WDR7: variants seen among roughly 807,000 people sequenced by gnomAD.
WDR7 encodes WD repeat-containing protein 7.
WDR7 carries 46 observed loss-of-function variants against 169.4 expected under a neutral mutation model. The ratio of observed to expected loss-of-function variants is 0.27; its 90% confidence interval spans 0.21 to 0.35. The LOEUF (loss-of-function observed/expected upper bound fraction) is 0.35, where lower values mean the gene tolerates loss of function less well. Ranked by LOEUF, WDR7 falls within the 10% of genes least tolerant of loss-of-function variation. WDR7 has a pLI of 1.00. For synonymous variants in WDR7, 612 were observed against 666.8 expected (o/e 0.92, Z 1.27); for missense variants, 1,534 against 1,859.3 (o/e 0.83, Z 3.22).
downstream of WDR7, chr18:57,031,646 T>C (rs1053115554): frequency 4.6e-5 from 7 of 152,252 alleles, no homozygotes; most frequent in Non-Finnish European, 1.0e-4. Flanking sequence ...CGTTCTATTC[T>C]GAGGTGATAG....
chr18:56,822,167 G>A (rs772667634), intron 20 of WDR7, among the ~76,000 whole-genome samples: 4 of 152,030 alleles, frequency 2.6e-5, no homozygotes, highest in African/African-American at 4.8e-5. Context: ...AAAAATCACC[G>A]CATATTCGTT....
rs1167617851 is a variant in WDR7, at chr18:56,776,838, C to A, written c.2905C>A (p.Pro969Thr). ...SDADHSGSDP[P>T]SAPALHTCFL... is the part of the protein sequence containing the mutation. ...TGCTGATCACTCTGGCTCTGACCCTCCTTCTGCTCCTGCTTTACATACCTG... is the reference window on the plus strand; with the variant it reads ...TGCTGATCACTCTGGCTCTGACCCTACTTCTGCTCCTGCTTTACATACCTG... The change falls in exon 17 of 28, where the codon CCT becomes ACT. Residue 969 changes from proline (P) to threonine (T), a missense_variant. By Grantham distance (38) the Pro-to-Thr change is conservative. Transcript: ENST00000254442. 2 of 1,613,916 alleles carry A rather than the reference C, an allele frequency of 1.2e-6. No homozygotes were observed. Among genetic ancestry groups the A allele is most frequent in the African/African-American group, 1.3e-5 (1 of 74,926 alleles).
intron 20 of WDR7, among the ~76,000 whole-genome samples, chr18:56,864,702 A>T (rs938625829): frequency 1.3e-5 from 2 of 151,886 alleles, no homozygotes; most frequent in African/African-American, 2.4e-5. Flanking sequence ...AGGGTCCATT[A>T]TAGTAGATAT....
intron 19 of WDR7, among the ~76,000 whole-genome samples, chr18:56,814,666 C>A (rs569000311): frequency 6.6e-6 from 1 of 152,090 alleles, no homozygotes; most frequent in South Asian, 2.1e-4. Context: ...ATGGTAAGGA[C>A]TGAAAAACTA....
At chr18:56,705,592 A>C (rs1427571616) in intron 12 of WDR7, among the ~76,000 whole-genome samples, 1 of 152,242 alleles carries the variant, frequency 6.6e-6, no homozygotes, top group Non-Finnish European at 1.5e-5. Context: ...TGTCTGGAAC[A>C]ATTGATGTTT....
rs147648504 is a variant in WDR7, at chr18:56,830,483, T to C, written c.3304+14339T>C. ...ATTAGGGAAGAGGACTTCTAAAAAA[T>C]AGGAAAAGATCTGTTAAGAAAATTC... On this transcript the variant is annotated intron_variant, in intron 20 of 27. Coordinates refer to ENST00000254442, the MANE Select transcript of WDR7 (RefSeq NM_015285.3). 1.1e-3 allele frequency among the ~76,000 whole-genome samples: 174 copies of C among 152,314 alleles called. 1 individual carries two copies. The highest frequency in any genetic ancestry group is 4.0e-3 in the African/African-American group (168 of 41,556).
chr18:56,943,533 T>C (rs2047060926), intron 25 of WDR7, among the ~76,000 whole-genome samples: 1 of 152,204 alleles, frequency 6.6e-6, no homozygotes, highest in Non-Finnish European at 1.5e-5. Flanking sequence ...AAAGTGCTTA[T>C]GATTTGGGTA....
chr18:56,977,926 CAG>C (rs1428468387), intron 26 of WDR7, among the ~76,000 whole-genome samples: 1 of 152,094 alleles, frequency 6.6e-6, no homozygotes, highest in Non-Finnish European at 1.5e-5. Flanking sequence ...AATGCGTTGT[CAG>C]AGATGAATTA....
intron 1 of WDR7, among the ~76,000 whole-genome samples, chr18:56,668,538 T>A (rs192709853): frequency 9.2e-5 from 14 of 152,344 alleles, no homozygotes; most frequent in Non-Finnish European, 8.8e-5. Context: ...ATTTTATTTA[T>A]TATTGTAATA....
At chr18:56,763,653 G>A (rs2044016946) in intron 16 of WDR7, among the ~76,000 whole-genome samples, 1 of 152,166 alleles carries the variant, frequency 6.6e-6, no homozygotes, top group African/African-American at 2.4e-5. Context: ...TTCTGGACGG[G>A]TGAGTGTAGG....
intron 6 of WDR7, among the ~76,000 whole-genome samples, 174 bp downstream of exon 6, chr18:56,686,206 T>C (rs1209796532): frequency 6.6e-6 from 1 of 152,108 alleles, no homozygotes; most frequent in East Asian, 1.9e-4. Flanking sequence ...TGGGAGTGAA[T>C]TTTTTATTTA....
At chr18:56,711,290 TAAG>T (rs1412929510) in intron 12 of WDR7, among the ~76,000 whole-genome samples, 1 of 152,122 alleles carries the variant, frequency 6.6e-6, no homozygotes, top group African/African-American at 2.4e-5. Context: ...TAAGACTTGA[TAAG>T]AAACAATGGC....
At chr18:56,851,247 T>C (rs2045636887) in intron 20 of WDR7, among the ~76,000 whole-genome samples, 1 of 152,048 alleles carries the variant, frequency 6.6e-6, no homozygotes, top group Non-Finnish European at 1.5e-5. Flanking sequence ...ACTTTCTCTG[T>C]GGTTAGTTCT....
At chr18:57,012,739 C>T (rs916141124) in intron 26 of WDR7, among the ~76,000 whole-genome samples, 11 of 152,262 alleles carry the variant, frequency 7.2e-5, no homozygotes, top group Non-Finnish European at 1.3e-4. Flanking sequence ...AGTCAAGCTA[C>T]GGAAATTGAA....
intron 26 of WDR7, among the ~76,000 whole-genome samples, chr18:56,971,017 A>G (rs1244835004): frequency 6.6e-6 from 1 of 152,194 alleles, no homozygotes; most frequent in Non-Finnish European, 1.5e-5. Context: ...CGCACCAGTA[A>G]TCCCAGCACT....
rs115328525 is a variant in WDR7 at position 56,664,469 on chromosome 18, C to T, written c.-19-8028C>T. Among the ~76,000 whole-genome samples, 483 of 149,888 alleles carry T rather than the reference C, an allele frequency of 3.2e-3. 3 individuals are homozygous for T. Among genetic ancestry groups the T allele is most frequent in the African/African-American group, 0.011 (452 of 40,748 alleles). On this transcript the variant is annotated intron_variant, in intron 1 of 27. Coordinates refer to ENST00000254442, the MANE Select transcript of WDR7 (RefSeq NM_015285.3). ...TTATAAAATAGATTGAAATGGTAGA[C>T]GGTGAGAACATAATTAAAGGAGGAA... is the stretch of plus-strand genomic sequence containing the variant.
intron 1 of WDR7, among the ~76,000 whole-genome samples, chr18:56,655,739 G>C (rs114475194): frequency 2.6e-5 from 4 of 151,818 alleles, no homozygotes; most frequent in African/African-American, 9.7e-5. Flanking sequence ...CCCTTAATCA[G>C]TTTAATCAGT....
intron 26 of WDR7, among the ~76,000 whole-genome samples, chr18:56,991,387 C>T (rs531543722): frequency 3.1e-4 from 47 of 152,138 alleles, no homozygotes; most frequent in South Asian, 1.2e-3. Flanking sequence ...CCTCGTGATC[C>T]GCCTGCCTTG....
chr18:56,887,010 A>G (rs2046206036), intron 21 of WDR7, among the ~76,000 whole-genome samples: 1 of 152,194 alleles, frequency 6.6e-6, no homozygotes, highest in African/African-American at 2.4e-5. Flanking sequence ...TGAGATAGCA[A>G]CACAATAATA....
Sources: allele counts gnomAD v4.1 joint callset (sites outside exome capture counted in the v4.1 genomes callset), GRCh38; gene constraint gnomAD v4.1.1; transcripts MANE v1.5; gene names NCBI Gene and HGNC (gene_info 2026-07-23, HGNC 2026-07-21).